Variants in FER observed in about 807,000 individuals in gnomAD.
FER encodes tyrosine-protein kinase Fer.
A neutral mutation model predicts 111.0 loss-of-function variants in FER; 63 were observed. The ratio of observed to expected loss-of-function variants is 0.57; its 90% confidence interval spans 0.46 to 0.70. FER has a LOEUF of 0.70. Ranked by LOEUF, FER falls within the 30% of genes least tolerant of loss-of-function variation. The probability of loss-of-function intolerance (pLI) is 0.00; values close to 1 mark genes in which losing one functional copy is unlikely to be tolerated. For synonymous variants in FER, 327 were observed against 313.9 expected, an observed-to-expected ratio of 1.04 and a Z score of -0.44; for missense variants, 914 against 954.0, an observed-to-expected ratio of 0.96 and a Z score of 0.55.
intron 13 of FER, among the ~76,000 whole-genome samples, chr5:109,007,586 A>G (rs1581622831): frequency 6.6e-6 from 1 of 152,186 alleles, no homozygotes; most frequent in African/African-American, 2.4e-5. Flanking sequence ...ATTCATCTGT[A>G]TTGTTGCACA....
At chr5:108,967,526 C>T (rs1307607790) in intron 13 of FER, among the ~76,000 whole-genome samples, 1 of 151,988 alleles carries the variant, frequency 6.6e-6, no homozygotes, top group Non-Finnish European at 1.5e-5. Context: ...ATTTGGGAGG[C>T]CGAGGTGGAT....
chr5:108,954,985 C>T, intron 12 of FER, 53 bp downstream of exon 12: 1 of 1,406,134 alleles, frequency 7.1e-7, no homozygotes, highest in South Asian at 1.4e-5. Flanking sequence ...CATTGCGGTA[C>T]AATTATATTA....
chr5:109,052,481 C>T, intron 16 of FER: 2 of 1,044,570 alleles, frequency 1.9e-6, no homozygotes, highest in Non-Finnish European at 3.0e-6. Context: ...CACTCTTTTG[C>T]TTAAAAGAAG....
intron 1 of FER, among the ~76,000 whole-genome samples, chr5:108,751,940 A>T (rs565797008): frequency 1.3e-3 from 200 of 152,212 alleles, no homozygotes; most frequent in African/African-American, 4.3e-3. Context: ...TAGTTTTTGC[A>T]TACCCTAAAT....
intron 2 of FER, among the ~76,000 whole-genome samples, chr5:108,791,575 G>GATAT (rs58660662): frequency 2.8e-4 from 42 of 147,524 alleles, no homozygotes; most frequent in African/African-American, 3.5e-4. Context: ...ACATATATAT[G>GATAT]ATATATATAT....
intron 5 of FER, among the ~76,000 whole-genome samples, chr5:108,840,842 G>A (rs1761188387): frequency 6.6e-6 from 1 of 152,096 alleles, no homozygotes; most frequent in African/African-American, 2.4e-5. Context: ...CATTGTGAAG[G>A]TACCTTTACC....
At chr5:108,894,576 A>G in intron 9 of FER, 2 of 408,300 alleles carry the variant, frequency 4.9e-6, no homozygotes, top group Middle Eastern at 7.3e-4. Context: ...GTCATTCTTG[A>G]GTTCCACGAC....
chr5:108,888,197 T>C (rs1272257591), intron 9 of FER, among the ~76,000 whole-genome samples: 1 of 151,842 alleles, frequency 6.6e-6, no homozygotes, highest in Non-Finnish European at 1.5e-5. Flanking sequence ...TACATTTTTT[T>C]CCTTTGGCTC....
At chr5:109,128,619 G>T (rs1237070954) in intron 17 of FER, among the ~76,000 whole-genome samples, 1 of 151,910 alleles carries the variant, frequency 6.6e-6, no homozygotes, top group Non-Finnish European at 1.5e-5. Flanking sequence ...TGCAGAATGG[G>T]GATTGTATTA....
At chr5:109,089,992 T>G (rs74798782) in intron 16 of FER, among the ~76,000 whole-genome samples, 12,805 of 152,178 alleles carry the variant, frequency 0.084, 671 homozygotes, top group African/African-American at 0.14. Context: ...AGCACCCAAC[T>G]TGTGGTTTCT....
At chr5:108,824,945 G>GC (rs34680283) in intron 3 of FER, among the ~76,000 whole-genome samples, 63,893 of 151,684 alleles carry the variant, frequency 0.42, 15,023 homozygotes, top group African/African-American at 0.63. Flanking sequence ...GATCTGTGAT[G>GC]CCCACAAGCC....
chr5:108,852,498 G>A (rs895054229), intron 5 of FER, among the ~76,000 whole-genome samples: 1 of 151,964 alleles, frequency 6.6e-6, no homozygotes, highest in Non-Finnish European at 1.5e-5. Flanking sequence ...ATATTTTGGC[G>A]ATATTTAAAT....
At chr5:109,075,640 G>T (rs557615906) in intron 16 of FER, among the ~76,000 whole-genome samples, 1 of 151,866 alleles carries the variant, frequency 6.6e-6, no homozygotes, top group Non-Finnish European at 1.5e-5. Context: ...AGCCAGGATG[G>T]TCTCAATCTC....
chr5:109,090,864 A>G (rs1778090556), intron 16 of FER, among the ~76,000 whole-genome samples: 1 of 152,210 alleles, frequency 6.6e-6, no homozygotes, highest in South Asian at 2.1e-4. Flanking sequence ...CATCACATGG[A>G]CCAATATACA....
At chr5:109,146,233 A>AAT (rs1270063074) in intron 17 of FER, among the ~76,000 whole-genome samples, 1 of 89,276 alleles carries the variant, frequency 1.1e-5, no homozygotes, top group Non-Finnish European at 2.3e-5. Flanking sequence ...TTATCTATCT[A>AAT]ATATATATAT....
intron 13 of FER, among the ~76,000 whole-genome samples, chr5:109,000,958 A>T (rs1764690072): frequency 6.6e-6 from 1 of 152,222 alleles, no homozygotes; most frequent in Non-Finnish European, 1.5e-5. Flanking sequence ...AACCAGGAAG[A>T]AGTTGAATCT....
At chr5:108,800,821 C>T (rs190385926) in intron 3 of FER, among the ~76,000 whole-genome samples, 1,754 of 151,972 alleles carry the variant, frequency 0.012, 25 homozygotes, top group Non-Finnish European at 0.018. Context: ...CCGAGATGGG[C>T]GGATCACAAG....
At position 108,953,210 on chromosome 5, in the gene FER, T is replaced by A. The variant is rs192180821; in HGVS notation, c.1330-1519T>A. ...TAATTTTGTGTAGATTATGCGTTTG[T>A]TTTTAAAAGCAATATTCTTTTACCT... On this transcript the variant is annotated intron_variant, in intron 11 of 19. Coordinates refer to ENST00000281092, the MANE Select transcript of FER (RefSeq NM_005246.4). Among the ~76,000 whole-genome samples the A allele has an allele frequency of 1.6e-3, 250 of 152,022 alleles. 2 individuals are homozygous for A. Among genetic ancestry groups the A allele is most frequent in the African/African-American group, 5.6e-3 (233 of 41,530 alleles).
intron 10 of FER, among the ~76,000 whole-genome samples, chr5:108,900,586 G>A (rs1295392422): frequency 6.6e-6 from 1 of 152,168 alleles, no homozygotes; most frequent in Non-Finnish European, 1.5e-5. Context: ...TTGTATCATG[G>A]AAAATTGTGA....
Sources: gnomAD v4.1 joint callset for allele counts (sites outside exome capture counted in the v4.1 genomes callset) on GRCh38, gnomAD v4.1.1 for gene constraint, MANE v1.5 for transcripts, NCBI Gene and HGNC (gene_info 2026-07-23, HGNC 2026-07-21) for gene names.